The following NCAPG2 variants were observed in gnomAD, a reference collection of about 807,000 sequenced individuals.
NCAPG2 encodes non-SMC condensin II complex subunit G2, also known as condensin-2 complex subunit G2.
In NCAPG2, 53 loss-of-function variants were observed where a neutral mutation model predicts 141.1. The observed-to-expected ratio is 0.38, with a 90% CI of 0.30 to 0.47. The LOEUF (loss-of-function observed/expected upper bound fraction) is 0.47. Ranked by LOEUF, NCAPG2 falls within the 20% of genes least tolerant of loss-of-function variation. The probability of loss-of-function intolerance (pLI) is 0.99; values close to 1 mark genes in which losing one functional copy is unlikely to be tolerated. For missense variants in NCAPG2, 1,087 were observed against 1,389.0 expected, an observed-to-expected ratio of 0.78 and a Z score of 3.46; for synonymous variants, 499 against 490.7, an observed-to-expected ratio of 1.02 and a Z score of -0.22.
Position 158,663,998 on chromosome 7 carries a change from C to T in NCAPG2, c.1815+186G>A, listed in dbSNP as rs183753338. The stretch of plus-strand genomic sequence containing the variant: ...TTCTGTATTAAGTCCTACCTGAGCT[C>T]CAAAATGAACTACAAAGGACATATA... On this transcript the variant is annotated intron_variant, in intron 15 of 27. Coordinates refer to ENST00000356309, the MANE Select transcript of NCAPG2 (RefSeq NM_017760.7). Among the ~76,000 whole-genome samples, 23 of 152,318 alleles carry T rather than the reference C, an allele frequency of 1.5e-4. 1 individual carries two copies. Among genetic ancestry groups the T allele is most frequent in the Admixed American group, 1.4e-3 (22 of 15,298 alleles).
chr7:158,661,770 C>A (rs1200623409), intron 16 of NCAPG2, among the ~76,000 whole-genome samples: 1 of 152,190 alleles, frequency 6.6e-6, no homozygotes, highest in Non-Finnish European at 1.5e-5. Flanking sequence ...TTTGCCCCAA[C>A]AACACACACA....
chr7:158,666,839 TCAGCCCAG>T (rs1364322890), intron 13 of NCAPG2, among the ~76,000 whole-genome samples: 6 of 152,100 alleles, frequency 3.9e-5, no homozygotes, highest in South Asian at 2.1e-4. Flanking sequence ...CCCACTGGGC[TCAGCCCAG>T]CAGCCCAGGC....
chr7:158,660,804 G>A (rs1037546430), intron 16 of NCAPG2, among the ~76,000 whole-genome samples: 2 of 152,088 alleles, frequency 1.3e-5, no homozygotes, highest in African/African-American at 4.8e-5. Context: ...TAATTCCCAC[G>A]TGTTACGGGA....
intron 27 of NCAPG2, among the ~76,000 whole-genome samples, chr7:158,638,245 T>G (rs1341713730): frequency 6.6e-6 from 1 of 152,186 alleles, no homozygotes. Flanking sequence ...AGAAAAACAT[T>G]GTTTTTTGTT....
intron 27 of NCAPG2, among the ~76,000 whole-genome samples, chr7:158,634,086 G>A (rs1162721882): frequency 1.3e-5 from 2 of 152,044 alleles, no homozygotes; most frequent in African/African-American, 4.8e-5. Context: ...GTCTCCTTAA[G>A]TGAACATGAA....
intron 16 of NCAPG2, among the ~76,000 whole-genome samples, chr7:158,661,926 CT>C: frequency 6.6e-6 from 1 of 152,302 alleles, no homozygotes; most frequent in Non-Finnish European, 1.5e-5. Context: ...AATAATGTCG[CT>C]GACCATCGGA....
intron 13 of NCAPG2, among the ~76,000 whole-genome samples, chr7:158,670,293 C>T (rs1041068403): frequency 1.3e-5 from 2 of 152,130 alleles, no homozygotes; most frequent in African/African-American, 2.4e-5. Context: ...TGGCTGGGCA[C>T]GGTGGCTCAC....
intron 27 of NCAPG2, among the ~76,000 whole-genome samples, chr7:158,642,367 C>G (rs1354751794): frequency 1.3e-5 from 2 of 151,986 alleles, no homozygotes; most frequent in Non-Finnish European, 2.9e-5. Context: ...GAGACCCCAT[C>G]TCTGCAAAAA....
chr7:158,692,572 T>C lies in NCAPG2; in HGVS notation c.382+270A>G, dbSNP rs149803238. On this transcript the variant is annotated intron_variant, in intron 4 of 27. Coordinates refer to ENST00000356309, the MANE Select transcript of NCAPG2 (RefSeq NM_017760.7). ...GCCTGACCAACATGGAGAAACCCTG[T>C]CTCTACTAAAAATACAAAATTAGGC... Among the ~76,000 whole-genome samples the C allele has an allele frequency of 4.8e-3, 736 of 152,256 alleles. 43 individuals carry two copies. The East Asian group carries it at 0.11, about 24-fold the overall frequency.
intron 17 of NCAPG2, 72 bp downstream of exon 17, chr7:158,658,266 T>G: frequency 7.1e-7 from 1 of 1,398,712 alleles, no homozygotes; most frequent in Non-Finnish European, 9.7e-7. Context: ...TCTGCTGACA[T>G]GAATTAATAA....
intron 8 of NCAPG2, among the ~76,000 whole-genome samples, chr7:158,685,260 G>C (rs1834686767): frequency 6.6e-6 from 1 of 152,128 alleles, no homozygotes; most frequent in African/African-American, 2.4e-5. Context: ...CATAATCAAA[G>C]AAAATATCTT....
At chr7:158,682,368 T>C (rs1834503171) in intron 9 of NCAPG2, among the ~76,000 whole-genome samples, 1 of 151,912 alleles carries the variant, frequency 6.6e-6, no homozygotes, top group African/African-American at 2.4e-5. Flanking sequence ...GGACAGGGAG[T>C]TCATTGAATA....
intron 19 of NCAPG2, 23 bp downstream of exon 19, chr7:158,656,237 C>A: frequency 1.2e-6 from 2 of 1,609,282 alleles, no homozygotes; most frequent in South Asian, 2.2e-5. Flanking sequence ...GGAAACCACT[C>A]AACTCTCAGG....
intron 25 of NCAPG2, among the ~76,000 whole-genome samples, 178 bp from the exon 26 acceptor site, chr7:158,645,797 T>C (rs1830971248): frequency 6.6e-6 from 1 of 152,152 alleles, no homozygotes; most frequent in Admixed American, 6.5e-5. Context: ...TACAGTGAGA[T>C]ATTAAAACCA....
At chr7:158,693,104 A>T (rs1835231815) in intron 3 of NCAPG2, 148 bp from the exon 4 acceptor site, 1 of 795,944 alleles carries the variant, frequency 1.3e-6, no homozygotes, top group Non-Finnish European at 2.0e-6. Flanking sequence ...AAAGTAAATC[A>T]TCCTAAAAGA....
chr7:158,685,915 G>A (rs907970251), intron 8 of NCAPG2, among the ~76,000 whole-genome samples: 2 of 152,198 alleles, frequency 1.3e-5, no homozygotes, highest in East Asian at 3.9e-4. Flanking sequence ...GACTGGCCAC[G>A]TTCCAAATGC....
intron 27 of NCAPG2, among the ~76,000 whole-genome samples, chr7:158,639,512 A>G (rs567991922): frequency 6.6e-6 from 1 of 152,320 alleles, no homozygotes; most frequent in African/African-American, 2.4e-5. Flanking sequence ...AAAATCAATA[A>G]ACAAAAACCA....
At chr7:158,686,888 T>G (rs565133956) in intron 7 of NCAPG2, among the ~76,000 whole-genome samples, 454 of 152,308 alleles carry the variant, frequency 3.0e-3, no homozygotes, top group Non-Finnish European at 4.6e-3. Flanking sequence ...GCAAATGAAG[T>G]ACTCTGCCTT....
intron 12 of NCAPG2, among the ~76,000 whole-genome samples, chr7:158,674,723 G>C (rs1190791961): frequency 6.6e-6 from 1 of 152,256 alleles, no homozygotes; most frequent in East Asian, 1.9e-4. Flanking sequence ...TTGCACCTGA[G>C]AGAAGAGGAA....
Sources: gnomAD v4.1 joint callset for allele counts (sites outside exome capture counted in the v4.1 genomes callset) on GRCh38, gnomAD v4.1.1 for gene constraint, MANE v1.5 for transcripts, NCBI Gene and HGNC (gene_info 2026-07-23, HGNC 2026-07-21) for gene names.